The following NCKAP5 variants were observed in gnomAD, a reference collection of about 807,000 sequenced individuals.
NCKAP5 encodes the protein NCK associated protein 5, also known as nck-associated protein 5.
NCKAP5 carries 92 observed loss-of-function variants against 167.0 expected under a neutral mutation model. That is an observed-to-expected ratio of 0.55 (90% CI 0.47 to 0.66). NCKAP5 has a LOEUF of 0.66. Ranked by LOEUF, NCKAP5 falls within the 30% of genes least tolerant of loss-of-function variation. The probability of loss-of-function intolerance (pLI) is 0.00; values close to 1 mark genes in which losing one functional copy is unlikely to be tolerated. For missense variants in NCKAP5, 2,378 were observed against 2,315.0 expected, an observed-to-expected ratio of 1.03 and a Z score of -0.56; for synonymous variants, 891 against 877.4, an observed-to-expected ratio of 1.02 and a Z score of -0.27.
chr2:133,031,109 G>GA (rs200949323), intron 6 of NCKAP5, among the ~76,000 whole-genome samples: 28 of 147,596 alleles, frequency 1.9e-4, no homozygotes, highest in African/African-American at 2.5e-4. Context: ...TTCATATACA[G>GA]AAAAAAAAAA....
chr2:133,383,290 C>T (rs1686663748), intron 3 of NCKAP5, among the ~76,000 whole-genome samples: 1 of 152,114 alleles, frequency 6.6e-6, no homozygotes, highest in African/African-American at 2.4e-5. Context: ...TGTTCAATTC[C>T]CACCTATGAG....
chr2:132,963,634 T>G, intron 8 of NCKAP5, 86 bp downstream of exon 8: 1 of 1,370,928 alleles, frequency 7.3e-7, no homozygotes, highest in African/African-American at 1.4e-5. Context: ...AAGGGAAGAT[T>G]TATACTCACT....
intron 3 of NCKAP5, among the ~76,000 whole-genome samples, chr2:133,446,153 A>G (rs1465198919): frequency 3.3e-5 from 5 of 152,180 alleles, no homozygotes; most frequent in Non-Finnish European, 7.4e-5. Context: ...ACCATAGGAA[A>G]GGGGAAGAAA....
intron 4 of NCKAP5, among the ~76,000 whole-genome samples, chr2:133,240,156 A>G (rs2087616196): frequency 6.6e-6 from 1 of 152,202 alleles, no homozygotes. Flanking sequence ...TGCAGATAGA[A>G]TACCTACTCT....
chr2:133,257,279 T>A (rs1269712809), intron 4 of NCKAP5, among the ~76,000 whole-genome samples: 1 of 152,204 alleles, frequency 6.6e-6, no homozygotes, highest in Non-Finnish European at 1.5e-5. Context: ...CCAGATACTT[T>A]ATGAAATTGC....
At chr2:132,900,375 A>G (rs1693524021) in intron 8 of NCKAP5, among the ~76,000 whole-genome samples, 1 of 152,194 alleles carries the variant, frequency 6.6e-6, no homozygotes, top group African/African-American at 2.4e-5. Context: ...TGCCTGTACT[A>G]GTAGCATCCC....
intron 5 of NCKAP5, among the ~76,000 whole-genome samples, chr2:133,145,635 G>A (rs1258250840): frequency 3.3e-5 from 5 of 152,006 alleles, no homozygotes; most frequent in Non-Finnish European, 5.9e-5. Flanking sequence ...CCCTTGGGTC[G>A]TAACTTTTAC....
chr2:133,445,594 G>T (rs1691143838), intron 3 of NCKAP5, among the ~76,000 whole-genome samples: 1 of 152,164 alleles, frequency 6.6e-6, no homozygotes, highest in African/African-American at 2.4e-5. Context: ...AGGCTCCAAT[G>T]CAAATTGTTA....
intron 5 of NCKAP5, among the ~76,000 whole-genome samples, chr2:133,177,164 C>CTGTATATATATATA (rs2084499385): frequency 2.2e-5 from 3 of 138,608 alleles, no homozygotes; most frequent in Non-Finnish European, 4.6e-5. Context: ...GTTTTGTTTT[C>CTGTATATATATATA]TATATATATA....
rs537361787 is a variant in NCKAP5 at position 133,329,218 on chromosome 2, T to C, written c.70-26108A>G. Among the ~76,000 whole-genome samples, 65 of 152,242 alleles carry C rather than the reference T, an allele frequency of 4.3e-4. No homozygotes were observed. In the South Asian group the frequency reaches 0.013, roughly 30 times the overall value. ...TCCAGATCTGGGTCTGCTTTCCTTT[T>C]TCACCTTATTAGCTATTCCCACCTC... On this transcript the variant is annotated intron_variant, in intron 3 of 19. Transcript: ENST00000409261.
intron 3 of NCKAP5, among the ~76,000 whole-genome samples, chr2:133,406,897 T>C (rs1030311142): frequency 6.6e-6 from 1 of 152,214 alleles, no homozygotes; most frequent in Non-Finnish European, 1.5e-5. Flanking sequence ...ATTATTCCTA[T>C]CAAACCCAAA....
chr2:132,932,504 A>G (rs1316125294), intron 8 of NCKAP5, among the ~76,000 whole-genome samples: 1 of 152,200 alleles, frequency 6.6e-6, no homozygotes, highest in African/African-American at 2.4e-5. Context: ...TTAAAGGCCA[A>G]AGTCCAAACA....
intron 19 of NCKAP5, among the ~76,000 whole-genome samples, chr2:132,676,916 G>T (rs1480179344): frequency 6.6e-6 from 1 of 152,158 alleles, no homozygotes; most frequent in Non-Finnish European, 1.5e-5. Context: ...GATGGACTTT[G>T]GATTTAGAGC....
At chr2:133,217,688 C>T (rs1406824146) in intron 4 of NCKAP5, among the ~76,000 whole-genome samples, 1 of 151,974 alleles carries the variant, frequency 6.6e-6, no homozygotes, top group African/African-American at 2.4e-5. Flanking sequence ...ACTACTAAGG[C>T]CCCTTAGTAG....
intron 19 of NCKAP5, among the ~76,000 whole-genome samples, chr2:132,682,257 T>G (rs1053417902): frequency 6.6e-6 from 1 of 152,122 alleles, no homozygotes; most frequent in Non-Finnish European, 1.5e-5. Flanking sequence ...TGGGGAGACA[T>G]GCTGGTGGGG....
chr2:132,711,674 C>T (rs956447574), intron 19 of NCKAP5, among the ~76,000 whole-genome samples: 15 of 152,064 alleles, frequency 9.9e-5, no homozygotes, highest in African/African-American at 3.6e-4. Flanking sequence ...CATAAATATC[C>T]TATTTTCCCC....
In NCKAP5 at chr2:133,021,066, C is replaced by A. The variant is rs373352784; in HGVS notation, c.342-26827G>T. Among the ~76,000 whole-genome samples, 212 of 152,226 alleles carry A rather than the reference C, an allele frequency of 1.4e-3. 2 individuals carry two copies. Among genetic ancestry groups the A allele is most frequent in the African/African-American group, 4.7e-3 (196 of 41,538 alleles). ...AGCACACCCCCTCAGGAAGACCTGGCGAAATGAAAACTGTAGACTGGCCTT... is the reference window on the plus strand; with the variant it reads ...AGCACACCCCCTCAGGAAGACCTGGAGAAATGAAAACTGTAGACTGGCCTT... On this transcript the variant is annotated intron_variant, in intron 6 of 19. Coordinates refer to ENST00000409261, the MANE Select transcript of NCKAP5 (RefSeq NM_207363.3).
chr2:133,363,369 CAA>C (rs1377650627), intron 3 of NCKAP5, among the ~76,000 whole-genome samples: 1 of 151,940 alleles, frequency 6.6e-6, no homozygotes, highest in Non-Finnish European at 1.5e-5. Context: ...CATTCAGTGG[CAA>C]AGTTAAGTAA....
chr2:133,288,115 G>A (rs1343782441), intron 4 of NCKAP5, among the ~76,000 whole-genome samples: 1 of 152,192 alleles, frequency 6.6e-6, no homozygotes, highest in African/African-American at 2.4e-5. Flanking sequence ...TTTCAGGGCT[G>A]ACTTCCTGGA....
Sources: allele counts gnomAD v4.1 joint callset (sites outside exome capture counted in the v4.1 genomes callset), GRCh38; gene constraint gnomAD v4.1.1; transcripts MANE v1.5; gene names NCBI Gene and HGNC (gene_info 2026-07-23, HGNC 2026-07-21).